The following RBM19 variants were observed in gnomAD, a reference collection of about 807,000 sequenced individuals.
RBM19 encodes probable RNA-binding protein 19.
Under a neutral mutation model 116.8 loss-of-function variants are expected in RBM19, and 94 were observed. The observed-to-expected ratio is 0.80, with a 90% CI of 0.68 to 0.95. The LOEUF is 0.95. Among genes scored for constraint, RBM19 ranks in the 40% least tolerant of loss-of-function variants. The probability of loss-of-function intolerance (pLI) is 0.00; values close to 1 mark genes in which losing one functional copy is unlikely to be tolerated. For synonymous variants in RBM19, 475 were observed against 494.1 expected (o/e 0.96, Z 0.51); for missense variants, 1,161 against 1,220.7 (o/e 0.95, Z 0.73).
chr12:113,819,901 T>C (rs7310230), downstream of RBM19, among the ~76,000 whole-genome samples: 1,090 of 152,348 alleles, frequency 7.2e-3, 17 homozygotes, highest in African/African-American at 0.025. Context: ...TGATGATGAT[T>C]GTAACAAAAA....
At chr12:113,947,236 GGA>G in intron 11 of RBM19, 96 bp downstream of exon 11, 1 of 1,399,584 alleles carries the variant, frequency 7.1e-7, no homozygotes, top group Non-Finnish European at 9.5e-7. Flanking sequence ...CCCACAAAGT[GGA>G]CGCCCGTGTC....
chr12:113,877,540 T>G (rs1879758193), intron 21 of RBM19, among the ~76,000 whole-genome samples: 1 of 152,190 alleles, frequency 6.6e-6, no homozygotes, highest in African/African-American at 2.4e-5. Context: ...CCATACACTG[T>G]AGCTAAGGTA....
intron 23 of RBM19, among the ~76,000 whole-genome samples, chr12:113,837,118 C>T (rs1210919834): frequency 6.0e-5 from 9 of 149,518 alleles, no homozygotes; most frequent in African/African-American, 9.9e-5. Context: ...TACACACACA[C>T]GTCCCAAGCA....
chr12:113,955,191 C>T lies in RBM19; in HGVS notation c.861G>A (p.Gln287=). The change falls in exon 7 of 24, where the codon CAG becomes CAA. Residue 287 remains glutamine, a synonymous_variant. Transcript: ENST00000261741. The part of the protein sequence containing the change: ...ARAETEKPAN[Q]KEPTTCHTVK... Reference sequence around the variant, plus strand: ...CGGTGTGGCAGGTGGTGGGTTCCTTCTGGTTTGCTGGTTTCTCTGTCTGAG... The same window carrying T: ...CGGTGTGGCAGGTGGTGGGTTCCTTTTGGTTTGCTGGTTTCTCTGTCTGAG... The T allele has an allele frequency of 6.2e-7, 1 of 1,614,114 alleles. No individual in the cohort carries two copies. Among genetic ancestry groups the T allele is most frequent in the African/African-American group, 1.3e-5 (1 of 75,052 alleles).
intron 21 of RBM19, among the ~76,000 whole-genome samples, chr12:113,882,337 G>A (rs904963018): frequency 2.0e-5 from 3 of 152,196 alleles, no homozygotes; most frequent in Non-Finnish European, 2.9e-5. Context: ...GTGACCTTGA[G>A]CAAATCACTC....
intron 2 of RBM19, 42 bp downstream of exon 2, chr12:113,962,190 A>C (rs1200728403): frequency 1.2e-6 from 2 of 1,602,680 alleles, no homozygotes; most frequent in African/African-American, 2.7e-5. Context: ...AAACAACGTC[A>C]CACTTGACAG....
intron 23 of RBM19, among the ~76,000 whole-genome samples, chr12:113,839,886 C>A (rs374944698): frequency 6.6e-6 from 1 of 152,206 alleles, no homozygotes. Context: ...GTCTTGCTGA[C>A]TCCAAAGTTG....
In RBM19 at chr12:113,957,774, A is replaced by G. The variant is rs767059439; in HGVS notation, c.840+8T>C. On this transcript the variant is annotated splice_region_variant and intron_variant, in intron 6 of 23. Transcript: ENST00000261741. ...TCCTCCCTCATCACCTGCGGGATACACACGCACCTCGGCTCTGGCCTCCGG... is the reference window on the plus strand; with the variant it reads ...TCCTCCCTCATCACCTGCGGGATACGCACGCACCTCGGCTCTGGCCTCCGG... The G allele has an allele frequency of 9.6e-6, 15 of 1,570,444 alleles. No homozygotes were observed. The highest frequency in any genetic ancestry group is 1.3e-5 in the Non-Finnish European group (15 of 1,157,098).
At chr12:113,922,297 GCTTT>G (rs770366775) in intron 18 of RBM19, among the ~76,000 whole-genome samples, 1 of 152,186 alleles carries the variant, frequency 6.6e-6, no homozygotes, top group African/African-American at 2.4e-5. Flanking sequence ...AGCTGAGAGT[GCTTT>G]CTGTTTCCTG....
chr12:113,931,253 C>G (rs1196462540), intron 16 of RBM19, among the ~76,000 whole-genome samples: 1 of 152,072 alleles, frequency 6.6e-6, no homozygotes, highest in African/African-American at 2.4e-5. Flanking sequence ...GATAATGGCC[C>G]TTCCCCCTCT....
chr12:113,908,977 C>T (rs1387893407), intron 21 of RBM19, among the ~76,000 whole-genome samples: 1 of 152,190 alleles, frequency 6.6e-6, no homozygotes, highest in Non-Finnish European at 1.5e-5. Context: ...CACTAAGCAA[C>T]CACATGGAGC....
chr12:113,880,527 C>T (rs893712317), intron 21 of RBM19, among the ~76,000 whole-genome samples: 3 of 152,192 alleles, frequency 2.0e-5, no homozygotes, highest in Admixed American at 6.5e-5. Flanking sequence ...CAAGTGGCTT[C>T]GGTCTCAGGG....
At chr12:113,869,405 C>T (rs1040843291) in intron 21 of RBM19, among the ~76,000 whole-genome samples, 2 of 152,182 alleles carry the variant, frequency 1.3e-5, no homozygotes, top group African/African-American at 2.4e-5. Context: ...GTGCATGCTC[C>T]TCCTCTCAGG....
At chr12:113,852,124 TTGA>T (rs145074248) in intron 22 of RBM19, among the ~76,000 whole-genome samples, 6,689 of 152,258 alleles carry the variant, frequency 0.044, 361 homozygotes, top group Admixed American at 0.15. Flanking sequence ...TTACCTTTCC[TTGA>T]TGACTAGTAC....
At chr12:113,949,936 G>T in intron 9 of RBM19, 147 bp downstream of exon 9, 1 of 704,962 alleles carries the variant, frequency 1.4e-6, no homozygotes, top group South Asian at 1.9e-5. Flanking sequence ...TTTGCTCCCT[G>T]CCATGTCCCC....
intron 22 of RBM19, 151 bp from the exon 23 acceptor site, chr12:113,844,939 G>A (rs561601149): frequency 1.5e-5 from 17 of 1,120,882 alleles, no homozygotes; most frequent in East Asian, 1.1e-4. Context: ...TTTGGGGAGC[G>A]GTTGGGCACA....
At chr12:113,817,542 C>G (rs1360829306), downstream of RBM19, 4 of 152,258 alleles carry the variant, frequency 2.6e-5, no homozygotes, top group Non-Finnish European at 5.9e-5. Flanking sequence ...GCTCTCCAGT[C>G]CCCGTGCCCA....
chr12:113,941,885 G>T (rs1011831736), intron 14 of RBM19, among the ~76,000 whole-genome samples: 15 of 152,170 alleles, frequency 9.9e-5, no homozygotes, highest in African/African-American at 3.6e-4. Context: ...AAATGAAGGG[G>T]TCTCATGATG....
chr12:113,870,212 G>T (rs966127244), intron 21 of RBM19, among the ~76,000 whole-genome samples: 1 of 152,114 alleles, frequency 6.6e-6, no homozygotes, highest in Non-Finnish European at 1.5e-5. Flanking sequence ...CTGTGTCGCC[G>T]GCTCACACCC....
Sources: gnomAD v4.1 joint callset for allele counts (sites outside exome capture counted in the v4.1 genomes callset) on GRCh38, gnomAD v4.1.1 for gene constraint, MANE v1.5 for transcripts, NCBI Gene and HGNC (gene_info 2026-07-23, HGNC 2026-07-21) for gene names.